The following C3orf20 variants were observed in gnomAD, a reference collection of about 807,000 sequenced individuals.
C3orf20 encodes the protein family with sequence similarity 149 member C.
C3orf20 carries 76 observed loss-of-function variants against 88.3 expected under a neutral mutation model. The observed-to-expected ratio is 0.86, with a 90% CI of 0.72 to 1.04. The LOEUF (loss-of-function observed/expected upper bound fraction) is 1.04, where lower values mean the gene tolerates loss of function less well. C3orf20 is among the 50% of genes least tolerant of loss of function. The probability of loss-of-function intolerance (pLI) is 0.00; values close to 1 mark genes in which losing one functional copy is unlikely to be tolerated. For missense variants in C3orf20, 1,056 were observed against 1,123.3 expected, an observed-to-expected ratio of 0.94 and a Z score of 0.86; for synonymous variants, 436 against 437.4, an observed-to-expected ratio of 1.00 and a Z score of 0.04.
intron 8 of C3orf20, 108 bp downstream of exon 8, chr3:14,714,267 T>G: frequency 4.8e-6 from 6 of 1,258,080 alleles, no homozygotes; most frequent in Non-Finnish European, 6.7e-6. Context: ...AGCCAGGCGG[T>G]GTCCAGAGAT....
Position 14,772,970 on chromosome 3 carries a change from T to A in C3orf20, c.*95T>A, listed in dbSNP as rs1197509165. 9 of 896,024 alleles carry A rather than the reference T, an allele frequency of 1.0e-5. No homozygotes were observed. Among genetic ancestry groups the A allele is most frequent in the South Asian group, 8.3e-5 (6 of 72,628 alleles). The allele number at this position is 896,024 out of a possible 1,614,324, so 55.5% of individuals were successfully genotyped here. ...CCTGCCTCCCCGGTCTCCCACCCTG[T>A]CCTCCAAGCTTCTATAATAAACCAG... is the stretch of plus-strand genomic sequence containing the variant. On this transcript the variant is annotated 3_prime_UTR_variant, in exon 17 of 17. Coordinates refer to ENST00000253697, the MANE Select transcript of C3orf20 (RefSeq NM_032137.5). This position sits in a 1 kb window ranked among gnomAD's most constrained non-coding sequence, Gnocchi z 4.2.
chr3:14,682,508 G>A, intron 2 of C3orf20, 70 bp from the exon 3 acceptor site: 1 of 627,136 alleles, frequency 1.6e-6, no homozygotes, highest in African/African-American at 1.8e-5. Context: ...GGGTAGGTAA[G>A]GGACGGGGGA....
At chr3:14,706,965 C>T (rs2033529363) in intron 7 of C3orf20, among the ~76,000 whole-genome samples, 1 of 151,914 alleles carries the variant, frequency 6.6e-6, no homozygotes, top group Non-Finnish European at 1.5e-5. Context: ...AATTATATGT[C>T]TGGGCCGGGC....
At chr3:14,755,424 A>C (rs942930831) in intron 12 of C3orf20, among the ~76,000 whole-genome samples, 1 of 152,124 alleles carries the variant, frequency 6.6e-6, no homozygotes, top group African/African-American at 2.4e-5. Context: ...TTATGGCTTA[A>C]TTGCCCCACA....
At chr3:14,712,065 G>A (rs1230246385) in intron 7 of C3orf20, among the ~76,000 whole-genome samples, 1 of 151,978 alleles carries the variant, frequency 6.6e-6, no homozygotes, top group Non-Finnish European at 1.5e-5. Flanking sequence ...GGAAATAGGG[G>A]CTCTGAAGAT....
chr3:14,761,125 A>G (rs74739475), intron 14 of C3orf20, among the ~76,000 whole-genome samples: 2 of 152,048 alleles, frequency 1.3e-5, no homozygotes, highest in East Asian at 2.0e-4. Flanking sequence ...GTGGGGTTGT[A>G]TGTGAAGTGC....
At chr3:14,714,285 G>A (rs1336287389) in intron 8 of C3orf20, 126 bp downstream of exon 8, 6 of 1,019,400 alleles carry the variant, frequency 5.9e-6, no homozygotes, top group Non-Finnish European at 8.7e-6. Flanking sequence ...GATCTAGTAA[G>A]GCAGTGAGGC....
intron 15 of C3orf20, among the ~76,000 whole-genome samples, chr3:14,764,282 G>A (rs781638760): frequency 6.6e-6 from 1 of 152,084 alleles, no homozygotes; most frequent in Non-Finnish European, 1.5e-5. Context: ...AAAATGGAAA[G>A]AGGCAGATTC....
intron 15 of C3orf20, among the ~76,000 whole-genome samples, chr3:14,770,788 C>T (rs1050584919): frequency 1.3e-5 from 2 of 152,168 alleles, no homozygotes; most frequent in East Asian, 1.9e-4. Context: ...ACTATGTGCC[C>T]GTGAATAAGC....
At chr3:14,729,242 G>A (rs944892843) in intron 12 of C3orf20, among the ~76,000 whole-genome samples, 1 of 152,156 alleles carries the variant, frequency 6.6e-6, no homozygotes, top group Admixed American at 6.5e-5. Flanking sequence ...ATGGGCTGTG[G>A]TAGAGGATGA....
intron 15 of C3orf20, among the ~76,000 whole-genome samples, chr3:14,770,558 C>T (rs750272018): frequency 2.6e-5 from 4 of 152,106 alleles, no homozygotes; most frequent in East Asian, 1.9e-4. Context: ...CCCTCCACAC[C>T]CACTTCCTGT....
At chr3:14,728,774 C>A in intron 12 of C3orf20, 86 bp downstream of exon 12, 3 of 1,429,242 alleles carry the variant, frequency 2.1e-6, no homozygotes, top group Non-Finnish European at 2.8e-6. Flanking sequence ...AGATGGGGCC[C>A]CTCTCTTTTG....
intron 7 of C3orf20, among the ~76,000 whole-genome samples, chr3:14,707,473 G>C (rs1337457168): frequency 1.3e-5 from 2 of 149,760 alleles, no homozygotes; most frequent in Non-Finnish European, 3.0e-5. Context: ...GTGTGTGTGT[G>C]TGTGTGTGTG....
At position 14,682,880 on chromosome 3, in the gene C3orf20, G is replaced by A; in HGVS notation, c.167G>A (p.Ser56Asn). The A allele has an allele frequency of 6.2e-7, 1 of 1,614,234 alleles. No homozygotes were observed. The highest frequency in any genetic ancestry group is 8.5e-7 in the Non-Finnish European group (1 of 1,180,034). The change falls in exon 3 of 17, where the codon AGT (serine) becomes AAT (asparagine). Residue 56 changes from serine to asparagine, a missense_variant. Physicochemically the swap from Ser to Asn is conservative, Grantham distance 46. Coordinates refer to ENST00000253697, the MANE Select transcript of C3orf20 (RefSeq NM_032137.5). ...IFEFTWEELISDPSVPTPSDI... is the reference protein window; with the variant it reads ...IFEFTWEELINDPSVPTPSDI... ...GAGTTCACTTGGGAAGAGCTCATCA[G>A]TGACCCTTCAGTGCCTACCCCGTCC...
At chr3:14,744,233 A>C (rs1015807396) in intron 12 of C3orf20, among the ~76,000 whole-genome samples, 1 of 151,936 alleles carries the variant, frequency 6.6e-6, no homozygotes, top group African/African-American at 2.4e-5. Flanking sequence ...ATCTCTCTCA[A>C]GTTCAAAGTT....
intron 1 of C3orf20, among the ~76,000 whole-genome samples, chr3:14,680,037 A>T (rs1411991678): frequency 6.6e-6 from 1 of 152,208 alleles, no homozygotes; most frequent in Non-Finnish European, 1.5e-5. Flanking sequence ...CAAAGAGAGA[A>T]ATTAGAATTC....
chr3:14,710,657 T>C (rs1237298337), intron 7 of C3orf20, among the ~76,000 whole-genome samples: 2 of 152,204 alleles, frequency 1.3e-5, no homozygotes, highest in African/African-American at 4.8e-5. Context: ...CTATTTTCTT[T>C]TGTTAGTGAT....
intron 1 of C3orf20, among the ~76,000 whole-genome samples, chr3:14,679,838 G>T (rs1361577347): frequency 6.6e-6 from 1 of 152,068 alleles, no homozygotes; most frequent in African/African-American, 2.4e-5. Context: ...AAATGACATT[G>T]CTTTTTAAAA....
chr3:14,727,777 A>C (rs906794633), intron 11 of C3orf20, among the ~76,000 whole-genome samples: 11 of 151,908 alleles, frequency 7.2e-5, no homozygotes, highest in Non-Finnish European at 1.0e-4. Flanking sequence ...TTTTTTCCAC[A>C]CAAGTGAAAG....
Sources: gnomAD v4.1 joint callset for allele counts (sites outside exome capture counted in the v4.1 genomes callset) on GRCh38, gnomAD v4.1.1 for gene constraint, Gnocchi (gnomAD v3.1) non-coding constraint, MANE v1.5 for transcripts, NCBI Gene and HGNC (gene_info 2026-07-23, HGNC 2026-07-21) for gene names.